Variants in MYO5B observed in about 807,000 individuals in gnomAD.
MYO5B encodes unconventional myosin-Vb.
MYO5B carries 143 observed loss-of-function variants against 229.3 expected under a neutral mutation model. The observed-to-expected ratio is 0.62, with a 90% CI of 0.54 to 0.72. The LOEUF is 0.72. Among genes scored for constraint, MYO5B ranks in the 30% least tolerant of loss-of-function variants. MYO5B has a pLI of 0.00. For synonymous variants in MYO5B, 918 were observed against 885.2 expected (o/e 1.04, Z -0.66); for missense variants, 2,321 against 2,331.0 (o/e 1.00, Z 0.09).
rs562618474 is a variant in MYO5B at position 50,064,358 on chromosome 18, A to T, written c.28-8980T>A. ...CTGCTTGCCAAAAAAGCTAAAAAAG[A>T]TTTCCTCAAAGCTAATGCATATCAT... On this transcript the variant is annotated intron_variant, in intron 1 of 39. Coordinates refer to ENST00000285039, the MANE Select transcript of MYO5B (RefSeq NM_001080467.3). The T allele has an allele frequency of 2.0e-5, 3 of 152,340 alleles. No individual in the cohort carries two copies. The South Asian group carries it at 6.2e-4, about 32-fold the overall frequency. 9.4% of individuals were successfully genotyped at this position (152,340 alleles called of 1,614,324 possible).
At chr18:50,047,692 A>G (rs1484737542) in intron 2 of MYO5B, among the ~76,000 whole-genome samples, 11 of 152,138 alleles carry the variant, frequency 7.2e-5, no homozygotes, top group Non-Finnish European at 1.5e-4. Flanking sequence ...AACCAACCCA[A>G]ATGTCCAACA....
intron 4 of MYO5B, among the ~76,000 whole-genome samples, chr18:50,004,213 T>C (rs2144331414): frequency 2.0e-5 from 3 of 152,280 alleles, no homozygotes; most frequent in Middle Eastern, 6.8e-3. Flanking sequence ...CTAGGTCACG[T>C]GACAAGTGTC....
rs542507807 is a variant in MYO5B, at chr18:50,101,315, C to G, written c.28-45937G>C. ...TACATGGAAGGGAAAAAGAAGGTCA[C>G]AGGGAAGAGGGGTACTTAGTGAGGC... On this transcript the variant is annotated intron_variant, in intron 1 of 39. Transcript: ENST00000285039. 8.8e-4 allele frequency among the ~76,000 whole-genome samples: 134 copies of G among 152,278 alleles called. 1 individual carries two copies. In the Middle Eastern group the frequency reaches 0.017, roughly 19 times the overall value.
chr18:50,138,543 C>G (rs751758923), intron 1 of MYO5B, among the ~76,000 whole-genome samples: 21 of 151,984 alleles, frequency 1.4e-4, no homozygotes, highest in Non-Finnish European at 1.9e-4. Context: ...TGCTCTGATT[C>G]CATTTAGGAG....
intron 1 of MYO5B, among the ~76,000 whole-genome samples, chr18:50,118,822 C>T (rs1011306497): frequency 1.4e-4 from 21 of 152,032 alleles, no homozygotes; most frequent in African/African-American, 5.1e-4. Flanking sequence ...GATGGGGTTT[C>T]GCCGCGTTAG....
chr18:50,133,647 C>T (rs1324516059), intron 1 of MYO5B, among the ~76,000 whole-genome samples: 10 of 152,330 alleles, frequency 6.6e-5, no homozygotes, highest in Non-Finnish European at 4.4e-5. Flanking sequence ...GTATATTACA[C>T]TCCAGCTTAT....
chr18:50,132,535 C>A (rs2032270116), intron 1 of MYO5B, among the ~76,000 whole-genome samples: 2 of 152,210 alleles, frequency 1.3e-5, no homozygotes, highest in South Asian at 4.1e-4. Flanking sequence ...GTCCAGTCAA[C>A]AGCAGTCTGC....
intron 14 of MYO5B, among the ~76,000 whole-genome samples, chr18:49,937,871 G>A (rs140639815): frequency 1.6e-3 from 246 of 152,210 alleles, no homozygotes; most frequent in African/African-American, 5.7e-3. Context: ...TGCTAAGGGG[G>A]ACAGGATTTC....
chr18:49,958,447 C>T (rs1012628122), intron 12 of MYO5B, among the ~76,000 whole-genome samples: 1 of 152,212 alleles, frequency 6.6e-6, no homozygotes, highest in Non-Finnish European at 1.5e-5. Flanking sequence ...TCTCTTCCTT[C>T]ATGGGGAAAT....
intron 7 of MYO5B, 44 bp from the exon 8 acceptor site, chr18:49,984,869 T>G (rs1170467315): frequency 1.5e-6 from 2 of 1,342,756 alleles, no homozygotes; most frequent in Non-Finnish European, 2.1e-6. Context: ...TGGAGGACAC[T>G]TCATCCCACA....
chr18:50,151,970 T>C lies in MYO5B; in HGVS notation c.27+42797A>G, dbSNP rs568301089. On this transcript the variant is annotated intron_variant, in intron 1 of 39. Coordinates refer to ENST00000285039, the MANE Select transcript of MYO5B (RefSeq NM_001080467.3). ...AGAGAGCCTACATCCTGGGGGAACA[T>C]CCGCCCCGTTCAGATCCTTCCTTGA... Among the ~76,000 whole-genome samples the C allele has an allele frequency of 3.3e-5, 5 of 152,264 alleles. No homozygotes were observed. In the South Asian group the frequency reaches 1.0e-3, roughly 32 times the overall value.
chr18:49,987,962 C>G (rs1250455099), intron 7 of MYO5B, among the ~76,000 whole-genome samples: 1 of 152,048 alleles, frequency 6.6e-6, no homozygotes, highest in African/African-American at 2.4e-5. Context: ...TTATTCACAC[C>G]TTAACAAATT....
intron 1 of MYO5B, among the ~76,000 whole-genome samples, chr18:50,124,694 C>A (rs1279984075): frequency 2.6e-5 from 4 of 152,092 alleles, no homozygotes; most frequent in Non-Finnish European, 4.4e-5. Flanking sequence ...AAAGTGAAAT[C>A]TTTCCCCCCT....
In MYO5B at chr18:49,963,028, A is replaced by G. The variant is rs1315323909; in HGVS notation, c.1325T>C (p.Phe442Ser). The G allele has an allele frequency of 2.5e-6, 4 of 1,613,184 alleles. No individual in the cohort carries two copies. Among genetic ancestry groups the G allele is most frequent in the Admixed American group, 3.3e-5 (2 of 60,006 alleles). ...AAAGCTGTTTACCTCAAATGTCTCA[A>G]ACCTACAGAATGGAAAGAGAAGATA... ...SFIGVLDIYGFETFEVNSFEQ... is the reference protein window; with the variant it reads ...SFIGVLDIYGSETFEVNSFEQ... The change falls in exon 11 of 40, where the codon TTT becomes TCT. Residue 442 changes from phenylalanine to serine, a missense_variant and splice_region_variant. Transcript: ENST00000285039.
chr18:49,884,054 C>G (rs917126786), intron 22 of MYO5B, among the ~76,000 whole-genome samples: 2 of 151,988 alleles, frequency 1.3e-5, no homozygotes, highest in African/African-American at 4.8e-5. Context: ...GGATTAGGCA[C>G]AAGCCAAATA....
Position 49,902,827 on chromosome 18 carries a change from T to C in MYO5B, c.2578A>G (p.Met860Val), listed in dbSNP as rs367931759. ...FVRRTYRQVL[M>V]EHKATTIQKH... ...TGGATGGTGGTGGCCTTGTGCTCCA[T>C]GAGGACCTGGCGGGAAACAAGGATA... is the stretch of plus-strand genomic sequence containing the variant. The change falls in exon 21 of 40, where the codon ATG becomes GTG. Residue 860 changes from methionine to valine, a missense_variant. Physicochemically the swap from Met to Val is conservative, Grantham distance 21. Coordinates refer to ENST00000285039, the MANE Select transcript of MYO5B (RefSeq NM_001080467.3). 9.4e-6 allele frequency: 15 copies of C among 1,599,990 alleles called. No homozygotes were observed. In the South Asian group the frequency reaches 1.5e-4, roughly 16 times the overall value.
intron 14 of MYO5B, among the ~76,000 whole-genome samples, chr18:49,943,032 G>A (rs2025333986): frequency 6.6e-6 from 1 of 152,032 alleles, no homozygotes; most frequent in African/African-American, 2.4e-5. Context: ...ATACTATGCA[G>A]TCATAAAAAA....
intron 1 of MYO5B, among the ~76,000 whole-genome samples, chr18:50,166,598 A>G (rs1568130887): frequency 1.3e-5 from 2 of 152,212 alleles, no homozygotes; most frequent in Admixed American, 6.5e-5. Context: ...AGCTCATTGA[A>G]AAAGTAAAAT....
At chr18:50,108,750 T>TA (rs200026365) in intron 1 of MYO5B, among the ~76,000 whole-genome samples, 4,244 of 152,216 alleles carry the variant, frequency 0.028, 91 homozygotes, top group Middle Eastern at 0.045. Flanking sequence ...CCAGAATCAG[T>TA]AAAAAATATG....
Sources: allele counts gnomAD v4.1 joint callset (sites outside exome capture counted in the v4.1 genomes callset), GRCh38; gene constraint gnomAD v4.1.1; transcripts MANE v1.5; gene names NCBI Gene and HGNC (gene_info 2026-07-23, HGNC 2026-07-21).